The following SLC39A14 variants were observed in gnomAD, a reference collection of about 807,000 sequenced individuals.
SLC39A14 encodes metal cation symporter ZIP14.
Under a neutral mutation model 45.5 loss-of-function variants are expected in SLC39A14, and 19 were observed. That is an observed-to-expected ratio of 0.42 (90% CI 0.29 to 0.61). The LOEUF (loss-of-function observed/expected upper bound fraction) is 0.61. Ranked by LOEUF, SLC39A14 falls within the 20% of genes least tolerant of loss-of-function variation. The probability of loss-of-function intolerance (pLI) is 0.22; values close to 1 mark genes in which losing one functional copy is unlikely to be tolerated. For synonymous variants in SLC39A14, 264 were observed against 251.3 expected, an observed-to-expected ratio of 1.05 and a Z score of -0.48; for missense variants, 447 against 616.5, an observed-to-expected ratio of 0.73 and a Z score of 2.91.
In SLC39A14 at chr8:22,371,414, C is replaced by CTTTTT. The variant is rs373230777; in HGVS notation, c.-16+4039_-16+4043dup. ...GGATATCTAAAAAAAAAATACATGTCTTTTTTTTTTTTTTTTTTTTTTTTT... is the reference window on the plus strand; with the variant it reads ...GGATATCTAAAAAAAAAATACATGTCTTTTTTTTTTTTTTTTTTTTTTTTTTTTTT... On this transcript the variant is annotated intron_variant, in intron 1 of 8. Coordinates refer to ENST00000381237, the MANE Select transcript of SLC39A14 (RefSeq NM_001128431.4). Among the ~76,000 whole-genome samples the CTTTTT allele has an allele frequency of 2.2e-4, 26 of 120,122 alleles. 6 individuals are homozygous for CTTTTT. Among genetic ancestry groups the CTTTTT allele is most frequent in the Non-Finnish European group, 3.8e-4 (19 of 49,474 alleles). The allele number at this position is 120,122 out of a possible 152,430, so 78.8% of individuals were successfully genotyped here.
rs753122221 is a variant in SLC39A14 at position 22,407,472 on chromosome 8, TG to T, written c.271-837del. ...ACCTCCTGGGTTCAGGTGATTCTCC[TG>T]CCTCAGCCTCCCGAGTAGCTGGGAT... is the stretch of plus-strand genomic sequence containing the variant. On this transcript the variant is annotated intron_variant, in intron 2 of 8. Coordinates refer to ENST00000381237, the MANE Select transcript of SLC39A14 (RefSeq NM_001128431.4). Among the ~76,000 whole-genome samples, 6 of 150,832 alleles carry T rather than the reference TG, an allele frequency of 4.0e-5. No individual in the cohort carries two copies. In the South Asian group the frequency reaches 8.5e-4, roughly 21 times the overall value.
In SLC39A14 at chr8:22,420,321, T is replaced by G. The variant is rs1267516395; in HGVS notation, c.*623T>G. 9.1e-6 allele frequency: 9 copies of G among 985,348 alleles called. No individual in the cohort carries two copies. Among genetic ancestry groups the G allele is most frequent in the Non-Finnish European group, 1.1e-5 (9 of 829,966 alleles). 61.0% of individuals were successfully genotyped at this position (985,348 alleles called of 1,614,324 possible). A position where few individuals can be genotyped will look rare whatever the true frequency, so the allele number is the denominator to read the frequency against. On this transcript the variant is annotated 3_prime_UTR_variant, in exon 9 of 9. Transcript: ENST00000381237. Reference sequence around the variant, plus strand: ...GGAAGTCGAACCACTGCTGTGTGTCTTGTCAGGATGCTCACTTGTTCCTAC... The same window carrying G: ...GGAAGTCGAACCACTGCTGTGTGTCGTGTCAGGATGCTCACTTGTTCCTAC...
At position 22,419,683 on chromosome 8, in the gene SLC39A14, G is replaced by C; in HGVS notation, c.1464G>C (p.Gln488His). The C allele has an allele frequency of 6.2e-7, 1 of 1,608,404 alleles. No individual in the cohort carries two copies. The highest frequency in any genetic ancestry group is 8.5e-7 in the Non-Finnish European group (1 of 1,177,614). ...TGGTCCTCACCATGTATTCAGGACA[G>C]ATCCAGATTGGGTAGGGCTCTGCCA... ...IMVVLTMYSG[Q>H]IQIG The change falls in exon 9 of 9, where the codon CAG becomes CAC. Residue 488 changes from glutamine to histidine, a missense_variant. Coordinates refer to ENST00000381237, the MANE Select transcript of SLC39A14 (RefSeq NM_001128431.4).
chr8:22,396,794 A>T (rs543249860), intron 1 of SLC39A14, among the ~76,000 whole-genome samples: 1 of 150,602 alleles, frequency 6.6e-6, no homozygotes, highest in East Asian at 2.0e-4. Context: ...ACATTTGGGG[A>T]TGTGAGTGAG....
intron 1 of SLC39A14, among the ~76,000 whole-genome samples, chr8:22,368,832 G>A (rs1832785817): frequency 6.6e-6 from 1 of 152,082 alleles, no homozygotes; most frequent in African/African-American, 2.4e-5. Flanking sequence ...CACCCTGCCC[G>A]GCCTATCCTT....
In SLC39A14 at chr8:22,395,293, C is replaced by G. The variant is rs147826234; in HGVS notation, c.-15-9403C>G. Among the ~76,000 whole-genome samples, 55 of 152,308 alleles carry G rather than the reference C, an allele frequency of 3.6e-4. 1 individual carries two copies. In the East Asian group the frequency reaches 0.01, roughly 28 times the overall value. On this transcript the variant is annotated intron_variant, in intron 1 of 8. Coordinates refer to ENST00000381237, the MANE Select transcript of SLC39A14 (RefSeq NM_001128431.4). ...GAAAATCTTGTGTTTTATCTTAGAA[C>G]ACATCTTCCATTTCATTCTTGGGTT...
In SLC39A14 at chr8:22,421,437, G is replaced by A; in HGVS notation, c.*1739G>A. The A allele has an allele frequency of 4.1e-6, 4 of 985,782 alleles. No individual in the cohort carries two copies. Among genetic ancestry groups the A allele is most frequent in the Non-Finnish European group, 4.8e-6 (4 of 829,868 alleles). The allele number at this position is 985,782 out of a possible 1,614,324, so 61.1% of individuals were successfully genotyped here. On this transcript the variant is annotated 3_prime_UTR_variant, in exon 9 of 9. Coordinates refer to ENST00000381237, the MANE Select transcript of SLC39A14 (RefSeq NM_001128431.4). ...GCTTCAATACATTTGAGAATACGCT[G>A]AAGAGGGAAAATTTCAGTGATGGAG...
chr8:22,422,952 T>C (rs979498562), downstream of SLC39A14, among the ~76,000 whole-genome samples: 1 of 151,580 alleles, frequency 6.6e-6, no homozygotes, highest in Admixed American at 6.6e-5. Flanking sequence ...GCCTCCCGAG[T>C]AGCTGGGATT....
At chr8:22,432,085 C>G (rs1836475131) in intron 8 of SLC39A14, among the ~76,000 whole-genome samples, 1 of 152,192 alleles carries the variant, frequency 6.6e-6, no homozygotes, top group African/African-American at 2.4e-5. Flanking sequence ...AATCCCAACA[C>G]TTTGTGAGGC....
intron 1 of SLC39A14, among the ~76,000 whole-genome samples, chr8:22,375,964 T>TA (rs1833193898): frequency 6.6e-6 from 1 of 152,260 alleles, no homozygotes; most frequent in Admixed American, 6.5e-5. Context: ...CACTGTTAAC[T>TA]AAACTGCAGG....
At chr8:22,398,083 G>A (rs1834613140) in intron 1 of SLC39A14, 1 of 152,134 alleles carries the variant, frequency 6.6e-6, no homozygotes, top group Non-Finnish European at 1.5e-5. Flanking sequence ...GATTCACTGA[G>A]GCCAGTCAGT....
intron 1 of SLC39A14, among the ~76,000 whole-genome samples, chr8:22,395,984 G>A (rs1008137607): frequency 1.3e-5 from 2 of 152,150 alleles, no homozygotes; most frequent in Non-Finnish European, 2.9e-5. Context: ...TGTGTGGTGA[G>A]GTGGGTCTGT....
intron 2 of SLC39A14, 125 bp downstream of exon 2, chr8:22,405,105 C>CGATGATA (rs1254092634): frequency 2.4e-6 from 2 of 825,526 alleles, no homozygotes; most frequent in Non-Finnish European, 3.8e-6. Flanking sequence ...AGACAAGTCT[C>CGATGATA]GATGATAGAG....
At chr8:22,385,606 G>A (rs935127946) in intron 1 of SLC39A14, among the ~76,000 whole-genome samples, 7 of 152,206 alleles carry the variant, frequency 4.6e-5, no homozygotes, top group African/African-American at 1.7e-4. Flanking sequence ...CTGGGTGGCT[G>A]GAGCCCAGTG....
At chr8:22,425,953 G>A (rs1836380260), downstream of SLC39A14, among the ~76,000 whole-genome samples, 1 of 143,306 alleles carries the variant, frequency 7.0e-6, no homozygotes, top group Admixed American at 7.8e-5. Context: ...GCACAATGGT[G>A]CGATCTCGGC....
At chr8:22,368,329 G>A (rs1396704664) in intron 1 of SLC39A14, among the ~76,000 whole-genome samples, 1 of 151,950 alleles carries the variant, frequency 6.6e-6, no homozygotes, top group Non-Finnish European at 1.5e-5. Flanking sequence ...CCATTGGGAC[G>A]GCTGTGCTCC....
intron 1 of SLC39A14, among the ~76,000 whole-genome samples, chr8:22,387,482 C>G (rs1833852275): frequency 6.6e-6 from 1 of 152,148 alleles, no homozygotes. Flanking sequence ...AATAGGCAGG[C>G]AGGCAGTTTG....
Position 22,421,075 on chromosome 8 carries a change from T to G in SLC39A14, c.*1377T>G. The G allele has an allele frequency of 1.0e-6, 1 of 985,782 alleles. No individual in the cohort carries two copies. Among genetic ancestry groups the G allele is most frequent in the Non-Finnish European group, 1.2e-6 (1 of 829,898 alleles). 61.1% of individuals were successfully genotyped at this position (985,782 alleles called of 1,614,324 possible). A position where few individuals can be genotyped will look rare whatever the true frequency, so the allele number is the denominator to read the frequency against. ...CTCCAGGTTCACTAGGTGAATTGAT[T>G]TATTATTATCATATTGATAATGTGA... On this transcript the variant is annotated 3_prime_UTR_variant, in exon 9 of 9. Transcript: ENST00000381237.
intron 1 of SLC39A14, among the ~76,000 whole-genome samples, chr8:22,387,801 TAAG>T (rs1421928316): frequency 3.9e-5 from 6 of 152,202 alleles, no homozygotes; most frequent in Non-Finnish European, 5.9e-5. Context: ...CAGGGAGCTT[TAAG>T]AAGACACCTG....
Sources: gnomAD v4.1 joint callset for allele counts (sites outside exome capture counted in the v4.1 genomes callset) on GRCh38, gnomAD v4.1.1 for gene constraint, MANE v1.5 for transcripts, NCBI Gene and HGNC (gene_info 2026-07-23, HGNC 2026-07-21) for gene names.